The following PLXNA4 variants were observed in gnomAD, a reference collection of about 807,000 sequenced individuals.
PLXNA4 encodes plexin A4, also known as plexin-A4.
A neutral mutation model predicts 191.8 loss-of-function variants in PLXNA4; 44 were observed. The observed-to-expected ratio is 0.23, with a 90% CI of 0.18 to 0.29. PLXNA4 has a LOEUF of 0.29. Among genes scored for constraint, PLXNA4 ranks in the 10% least tolerant of loss-of-function variants. The pLI is 1.00. For missense variants in PLXNA4, 1,800 were observed against 2,488.8 expected (o/e 0.72, Z 5.89); for synonymous variants, 1,082 against 1,009.5 (o/e 1.07, Z -1.36).
At chr7:132,385,229 C>G (rs1332697289) in intron 3 of PLXNA4, 2 of 1,614,106 alleles carry the variant, frequency 1.2e-6, no homozygotes, top group East Asian at 2.2e-5. Flanking sequence ...TCCAGAGTCA[C>G]TGTTGCTCTG....
chr7:132,211,039 C>A lies in PLXNA4; in HGVS notation c.2202G>T (p.Gln734His). 1 of 1,613,806 alleles carries A rather than the reference C, an allele frequency of 6.2e-7. No homozygotes were observed. The highest frequency in any genetic ancestry group is 8.5e-7 in the Non-Finnish European group (1 of 1,179,866). The change falls in exon 10 of 32, where the codon CAG (glutamine) becomes CAT (histidine). Residue 734 changes from glutamine (Q) to histidine (H), a missense_variant. By Grantham distance (24) the Gln-to-His change is conservative. Coordinates refer to ENST00000321063, the MANE Select transcript of PLXNA4 (RefSeq NM_020911.2). ...TGTTGAGGATGCATTCGTAGCCACG[C>A]TGCCCAGACTGGGGCTGGGGGAGGT... ...AKNLPQPQSG[Q>H]RGYECILNIQ...
intron 2 of PLXNA4, among the ~76,000 whole-genome samples, chr7:132,499,486 C>A (rs1798160818): frequency 6.6e-6 from 1 of 152,212 alleles, no homozygotes; most frequent in African/African-American, 2.4e-5. Flanking sequence ...TCCAGAGAAC[C>A]CCAGTGGCTA....
intron 2 of PLXNA4, among the ~76,000 whole-genome samples, chr7:132,601,994 CT>C (rs1802830203): frequency 6.6e-6 from 1 of 152,158 alleles, no homozygotes; most frequent in Admixed American, 6.5e-5. Flanking sequence ...ACAAGTTTGC[CT>C]TTTCTAAATC....
intron 3 of PLXNA4, among the ~76,000 whole-genome samples, chr7:132,411,418 G>A (rs995120002): frequency 3.9e-5 from 6 of 152,118 alleles, no homozygotes; most frequent in South Asian, 2.1e-4. Context: ...GGTATGTTAC[G>A]GGCTTGGCTC....
Position 132,311,193 on chromosome 7 carries a change from T to TGTGTGCGC in PLXNA4, c.1372-12972_1372-12971insGCGCACAC, listed in dbSNP as rs71178034. Among the ~76,000 whole-genome samples the TGTGTGCGC allele has an allele frequency of 3.9e-4, 35 of 89,900 alleles. 1 individual carries two copies. Among genetic ancestry groups the TGTGTGCGC allele is most frequent in the African/African-American group, 1.1e-3 (28 of 25,976 alleles). The allele number at this position is 89,900 out of a possible 152,430, so 59.0% of individuals were successfully genotyped here. A position where few individuals can be genotyped will look rare whatever the true frequency, so the allele number is the denominator to read the frequency against. ...GTGTGTGTGTGTGTGTGTGTGTGTG[T>TGTGTGCGC]GCGCGTGTGGCCTAAAGGAGGGTCA... On this transcript the variant is annotated intron_variant, in intron 3 of 31. Coordinates refer to ENST00000321063, the MANE Select transcript of PLXNA4 (RefSeq NM_020911.2).
At chr7:132,180,050 T>C (rs2096111127) in intron 19 of PLXNA4, 129 bp from the exon 20 acceptor site, 1 of 1,424,110 alleles carries the variant, frequency 7.0e-7, no homozygotes, top group Non-Finnish European at 9.3e-7. Context: ...GGTGTCAAAA[T>C]AGACAAGAGG....
chr7:132,148,810 AGAGGCCCT>A (rs1413282666), intron 25 of PLXNA4, among the ~76,000 whole-genome samples, 164 bp from the exon 26 acceptor site: 1 of 152,200 alleles, frequency 6.6e-6, no homozygotes, highest in Non-Finnish European at 1.5e-5. Context: ...CTCAACGCAG[AGAGGCCCT>A]GAGTTCCAGT....
At chr7:132,315,677 C>G (rs1037830068) in intron 3 of PLXNA4, among the ~76,000 whole-genome samples, 1 of 152,196 alleles carries the variant, frequency 6.6e-6, no homozygotes, top group East Asian at 1.9e-4. Context: ...GACTTCTGTT[C>G]TGGTGGCCAT....
chr7:132,477,369 C>A (rs546832987), intron 3 of PLXNA4, among the ~76,000 whole-genome samples: 1 of 152,190 alleles, frequency 6.6e-6, no homozygotes, highest in Non-Finnish European at 1.5e-5. Flanking sequence ...TTAACAACCA[C>A]GGCACGGTTC....
chr7:132,217,919 T>G (rs1798017494), intron 9 of PLXNA4, among the ~76,000 whole-genome samples: 1 of 133,406 alleles, frequency 7.5e-6, no homozygotes, highest in Non-Finnish European at 1.7e-5. Flanking sequence ...TTTTTTTTTT[T>G]TTTTTTTTCA....
intron 3 of PLXNA4, among the ~76,000 whole-genome samples, chr7:132,445,157 G>GAAAAAAAA (rs71529762): frequency 1.1e-4 from 6 of 53,798 alleles, no homozygotes; most frequent in Non-Finnish European, 2.0e-4. Context: ...TCCATCTCAG[G>GAAAAAAAA]AAAAAAAAAA....
In PLXNA4 at chr7:132,228,384, G is replaced by T; in HGVS notation, c.1690C>A (p.His564Asn). Residue 564 changes from histidine (H) to asparagine (N), a missense_variant, in exon 6 of 32, where the codon CAT (histidine) becomes AAT (asparagine). His to Asn is a moderately conservative substitution (Grantham distance 68, BLOSUM62 1). Coordinates refer to ENST00000321063, the MANE Select transcript of PLXNA4 (RefSeq NM_020911.2). ...EMKQCVRLTV[H>N]PNNISVSQYN... Reference sequence around the variant, plus strand: ...TGAGAGACGGAGATATTGTTGGGATGGACCGTCAGCCGGACACACTGCTTC... The same window carrying T: ...TGAGAGACGGAGATATTGTTGGGATTGACCGTCAGCCGGACACACTGCTTC... 2 of 1,614,134 alleles carry T rather than the reference G, an allele frequency of 1.2e-6. No homozygotes were observed. The highest frequency in any genetic ancestry group is 1.7e-6 in the Non-Finnish European group (2 of 1,180,024).
chr7:132,449,638 T>C (rs1388830819), intron 3 of PLXNA4, among the ~76,000 whole-genome samples: 1 of 151,484 alleles, frequency 6.6e-6, no homozygotes, highest in Non-Finnish European at 1.5e-5. Context: ...TGACTGCCAC[T>C]GTCACACATG....
intron 3 of PLXNA4, among the ~76,000 whole-genome samples, chr7:132,430,330 G>A (rs1435372909): frequency 3.3e-5 from 5 of 152,102 alleles, no homozygotes; most frequent in Admixed American, 1.3e-4. Flanking sequence ...ACCCAGCACC[G>A]CATGAGGCAC....
chr7:132,469,309 C>A (rs1011046104), intron 3 of PLXNA4, among the ~76,000 whole-genome samples: 5 of 152,106 alleles, frequency 3.3e-5, no homozygotes, highest in African/African-American at 4.8e-5. Flanking sequence ...CCTCACCTTG[C>A]AGGGTTGCTG....
At chr7:132,256,906 G>T (rs979957027) in intron 4 of PLXNA4, among the ~76,000 whole-genome samples, 1 of 152,202 alleles carries the variant, frequency 6.6e-6, no homozygotes, top group Non-Finnish European at 1.5e-5. Context: ...TGAGCATAGA[G>T]ATAACACTGG....
At chr7:132,186,631 G>A (rs1562907060) in intron 15 of PLXNA4, among the ~76,000 whole-genome samples, 1 of 152,190 alleles carries the variant, frequency 6.6e-6, no homozygotes, top group Non-Finnish European at 1.5e-5. Flanking sequence ...TTGCAAAAAA[G>A]TGTGGCACCT....
chr7:132,480,370 G>A (rs1421739406), intron 3 of PLXNA4, among the ~76,000 whole-genome samples: 1 of 152,182 alleles, frequency 6.6e-6, no homozygotes, highest in South Asian at 2.1e-4. Context: ...CAAGGAGACT[G>A]GCTAATTAGG....
At chr7:132,564,021 TCTC>T (rs1226328036) in intron 1 of PLXNA4, among the ~76,000 whole-genome samples, 3 of 19,082 alleles carry the variant, frequency 1.6e-4, no homozygotes, top group African/African-American at 4.0e-4. Flanking sequence ...TCCTCCTCCT[TCTC>T]CTCCTCCTTC....
Sources: gnomAD v4.1 joint callset for allele counts (sites outside exome capture counted in the v4.1 genomes callset) on GRCh38, gnomAD v4.1.1 for gene constraint, MANE v1.5 for transcripts, NCBI Gene and HGNC (gene_info 2026-07-23, HGNC 2026-07-21) for gene names.